UNC13C: variants seen among roughly 807,000 people sequenced by gnomAD.
UNC13C encodes the protein unc-13 homolog C.
UNC13C carries 174 observed loss-of-function variants against 245.4 expected under a neutral mutation model. The observed-to-expected ratio is 0.71, with a 90% CI of 0.63 to 0.80. The LOEUF (loss-of-function observed/expected upper bound fraction) is 0.80. Among genes scored for constraint, UNC13C ranks in the 30% least tolerant of loss-of-function variants. UNC13C has a pLI of 0.00. For missense variants in UNC13C, 2,829 were observed against 2,602.9 expected (o/e 1.09, Z -1.89); for synonymous variants, 992 against 895.1 (o/e 1.11, Z -1.93).
chr15:53,840,102 GTC>G, the UNC13C span, among the ~76,000 whole-genome samples: 1 of 152,072 alleles, frequency 6.6e-6, no homozygotes, highest in African/African-American at 2.4e-5. Flanking sequence ...ACAGTTAGGT[GTC>G]TCTGCTAAGA....
At chr15:54,317,704 C>T (rs576435010) in intron 13 of UNC13C, among the ~76,000 whole-genome samples, 14 of 151,960 alleles carry the variant, frequency 9.2e-5, no homozygotes, top group African/African-American at 2.4e-4. Context: ...AGCTGATTAA[C>T]GTATACATCA....
the UNC13C span, among the ~76,000 whole-genome samples, chr15:53,881,620 C>G: frequency 6.6e-6 from 1 of 152,266 alleles, no homozygotes; most frequent in East Asian, 1.9e-4. Context: ...AGCCAGTGAT[C>G]GGAGCTTTTA....
intron 29 of UNC13C, among the ~76,000 whole-genome samples, chr15:54,561,582 A>T (rs1019181967): frequency 2.6e-5 from 4 of 152,024 alleles, no homozygotes; most frequent in African/African-American, 9.7e-5. Flanking sequence ...TACTCTGTGG[A>T]CTGGCCTGGA....
chr15:54,395,664 C>T (rs2040055410), intron 18 of UNC13C, among the ~76,000 whole-genome samples: 1 of 151,710 alleles, frequency 6.6e-6, no homozygotes, highest in Non-Finnish European at 1.5e-5. Flanking sequence ...TCAATGTAAT[C>T]CCTGATTATT....
rs780313881 is a variant in UNC13C at position 54,013,176 on chromosome 15, A to T, written c.273A>T (p.Thr91=). The change falls in exon 2 of 33, where the codon ACA becomes ACT. Residue 91 remains threonine, a synonymous_variant. Transcript: ENST00000260323. ...EASKEFSLSP[T]FSYRVAIANG... ...GTAAAGAGTTTTCCCTCTCACCAACATTCAGTTACCGAGTAGCTATTGCCA... is the reference window on the plus strand; with the variant it reads ...GTAAAGAGTTTTCCCTCTCACCAACTTTCAGTTACCGAGTAGCTATTGCCA... 38 of 1,613,830 alleles carry T rather than the reference A, an allele frequency of 2.4e-5. No individual in the cohort carries two copies. The highest frequency in any genetic ancestry group is 3.1e-5 in the Non-Finnish European group (37 of 1,179,848).
chr15:54,578,645 A>T (rs1323269607), intron 30 of UNC13C, among the ~76,000 whole-genome samples: 1 of 152,244 alleles, frequency 6.6e-6, no homozygotes, highest in East Asian at 1.9e-4. Flanking sequence ...ACTACCATTT[A>T]TAAGCACCTT....
intron 2 of UNC13C, among the ~76,000 whole-genome samples, chr15:54,140,464 C>G (rs1323015421): frequency 6.6e-6 from 1 of 152,056 alleles, no homozygotes; most frequent in Non-Finnish European, 1.5e-5. Flanking sequence ...GAAAGGATTG[C>G]AGATAAGGAA....
chr15:54,044,040 C>A (rs1485737299), intron 2 of UNC13C, among the ~76,000 whole-genome samples: 1 of 151,964 alleles, frequency 6.6e-6, no homozygotes, highest in Non-Finnish European at 1.5e-5. Context: ...CTTTTGTCAC[C>A]CCAAAAAGAA....
chr15:53,865,776 T>G, the UNC13C span, among the ~76,000 whole-genome samples: 1 of 152,122 alleles, frequency 6.6e-6, no homozygotes, highest in East Asian at 1.9e-4. Flanking sequence ...AAAATGTATA[T>G]CTAAAAGTAT....
In UNC13C at chr15:54,342,566, A is replaced by T. The variant is rs1274673751; in HGVS notation, c.4713+4077A>T. ...ACACAGCAAGACCCTATCTCTATTT[A>T]AAAAAAAAAAATGTGTCTATCACCT... On this transcript the variant is annotated intron_variant, in intron 17 of 32. Coordinates refer to ENST00000260323, the MANE Select transcript of UNC13C (RefSeq NM_001080534.3). Among the ~76,000 whole-genome samples the T allele has an allele frequency of 6.2e-5, 5 of 80,796 alleles. 1 individual carries two copies. Among genetic ancestry groups the T allele is most frequent in the African/African-American group, 1.9e-4 (5 of 26,682 alleles). 53.0% of individuals were successfully genotyped at this position (80,796 alleles called of 152,430 possible).
chr15:53,985,780 C>T (rs969401301), intron 1 of UNC13C, among the ~76,000 whole-genome samples: 4 of 152,036 alleles, frequency 2.6e-5, no homozygotes, highest in Non-Finnish European at 5.9e-5. Flanking sequence ...TTGTCTTCCT[C>T]TTGTTGATCA....
At chr15:53,925,717 G>A in the UNC13C span, among the ~76,000 whole-genome samples, 1 of 152,136 alleles carries the variant, frequency 6.6e-6, no homozygotes, top group Non-Finnish European at 1.5e-5. Flanking sequence ...AACAATCCCT[G>A]GTGAAAATGT....
chr15:54,001,651 TGTG>T (rs891673438), intron 1 of UNC13C, among the ~76,000 whole-genome samples: 1 of 152,236 alleles, frequency 6.6e-6, no homozygotes, highest in Non-Finnish European at 1.5e-5. Context: ...CTTTTGATGT[TGTG>T]GGCACTTCTC....
intron 10 of UNC13C, among the ~76,000 whole-genome samples, chr15:54,286,194 A>G (rs1951918463): frequency 6.6e-6 from 1 of 152,160 alleles, no homozygotes; most frequent in South Asian, 2.1e-4. Context: ...TATTTATTTT[A>G]TCAGTATATC....
chr15:54,417,180 A>T, intron 19 of UNC13C: 1 of 330,340 alleles, frequency 3.0e-6, no homozygotes, highest in South Asian at 2.4e-5. Flanking sequence ...TACATTGCCT[A>T]TAATGATGTT....
At chr15:53,926,121 T>G in the UNC13C span, among the ~76,000 whole-genome samples, 1 of 131,496 alleles carries the variant, frequency 7.6e-6, no homozygotes. Flanking sequence ...TTAGTTTTTG[T>G]TTTTTTTTTC....
chr15:54,381,301 G>T lies in UNC13C; in HGVS notation c.4714-11747G>T, dbSNP rs182126838. Among the ~76,000 whole-genome samples, 9 of 152,192 alleles carry T rather than the reference G, an allele frequency of 5.9e-5. No homozygotes were observed. In the East Asian group the frequency reaches 1.5e-3, roughly 26 times the overall value. ...TTTCAGCTCTCTATTCTGTTGCATT[G>T]ATCTGTGTGTCTGCTTTTATATTAG... On this transcript the variant is annotated intron_variant, in intron 17 of 32. Coordinates refer to ENST00000260323, the MANE Select transcript of UNC13C (RefSeq NM_001080534.3).
chr15:53,953,477 A>G, the UNC13C span, among the ~76,000 whole-genome samples: 918 of 152,312 alleles, frequency 6.0e-3, 12 homozygotes, highest in African/African-American at 0.021. Context: ...CTGGAACAGT[A>G]ATATTAAGGC....
At chr15:53,942,333 A>G in the UNC13C span, among the ~76,000 whole-genome samples, 1 of 152,138 alleles carries the variant, frequency 6.6e-6, no homozygotes, top group East Asian at 1.9e-4. Flanking sequence ...GTTCTCATTT[A>G]TAAGTAGGAG....
Sources: gnomAD v4.1 joint callset for allele counts (sites outside exome capture counted in the v4.1 genomes callset) on GRCh38, gnomAD v4.1.1 for gene constraint, MANE v1.5 for transcripts, NCBI Gene and HGNC (gene_info 2026-07-23, HGNC 2026-07-21) for gene names.